The following KIAA1549L variants were observed in gnomAD, a reference collection of about 807,000 sequenced individuals.
KIAA1549L encodes UPF0606 protein KIAA1549L.
Under a neutral mutation model 160.7 loss-of-function variants are expected in KIAA1549L, and 88 were observed. That is an observed-to-expected ratio of 0.55 (90% confidence interval 0.46 to 0.65). KIAA1549L has a LOEUF of 0.65. KIAA1549L is among the 30% of genes least tolerant of loss of function. KIAA1549L has a pLI of 0.00. For missense variants in KIAA1549L, 2,258 were observed against 2,437.5 expected (o/e 0.93, Z 1.55); for synonymous variants, 950 against 976.7 (o/e 0.97, Z 0.51).
At chr11:33,518,884 A>G (rs1341083278) in intron 1 of KIAA1549L, among the ~76,000 whole-genome samples, 1 of 152,212 alleles carries the variant, frequency 6.6e-6, no homozygotes, top group Non-Finnish European at 1.5e-5. Context: ...TTTACATTAC[A>G]CTTATCGAGT....
intron 1 of KIAA1549L, among the ~76,000 whole-genome samples, chr11:33,528,969 A>C (rs919488653): frequency 2.0e-5 from 3 of 152,234 alleles, no homozygotes; most frequent in African/African-American, 7.2e-5. Flanking sequence ...AATTATTGAA[A>C]TGTTTTTTAA....
At chr11:33,496,931 C>T (rs1389061574) in intron 1 of KIAA1549L, among the ~76,000 whole-genome samples, 1 of 152,162 alleles carries the variant, frequency 6.6e-6, no homozygotes, top group East Asian at 1.9e-4. Context: ...GTTTCTTAAA[C>T]ACACCAGCCT....
intron 1 of KIAA1549L, among the ~76,000 whole-genome samples, chr11:33,489,086 A>T (rs1020426952): frequency 6.6e-6 from 1 of 152,240 alleles, no homozygotes; most frequent in Admixed American, 6.5e-5. Context: ...ACTGGAACAG[A>T]TATACCCTGA....
chr11:33,663,746 T>G (rs181319416), intron 20 of KIAA1549L, among the ~76,000 whole-genome samples: 152 of 152,322 alleles, frequency 1.0e-3, no homozygotes, highest in African/African-American at 3.6e-3. Flanking sequence ...AGAGACTCCC[T>G]GCTCTTGCTC....
rs116545443 is a variant in KIAA1549L, at chr11:33,652,909, A to G, written c.5761-3103A>G. Among the ~76,000 whole-genome samples the G allele has an allele frequency of 2.9e-3, 447 of 152,340 alleles. 4 individuals are homozygous for G. Among genetic ancestry groups the G allele is most frequent in the African/African-American group, 0.01 (416 of 41,582 alleles). On this transcript the variant is annotated intron_variant, in intron 17 of 20. Transcript: ENST00000658780. Reference sequence around the variant, plus strand: ...AGAGAAGCCCTGCTTTCGTCTGTCTATGTATTAGGGTCTGCTGGAATGGTG... The same window carrying G: ...AGAGAAGCCCTGCTTTCGTCTGTCTGTGTATTAGGGTCTGCTGGAATGGTG...
intron 1 of KIAA1549L, among the ~76,000 whole-genome samples, chr11:33,426,502 C>T (rs986382057): frequency 3.9e-5 from 6 of 152,140 alleles, no homozygotes; most frequent in African/African-American, 1.4e-4. Flanking sequence ...AGAGGCCCTC[C>T]TGGTGCACAG....
In KIAA1549L at chr11:33,576,679, G is replaced by A. The variant is rs183084714; in HGVS notation, c.4402+1806G>A. Among the ~76,000 whole-genome samples, 81 of 152,284 alleles carry A rather than the reference G, an allele frequency of 5.3e-4. 1 individual carries two copies. Among genetic ancestry groups the A allele is most frequent in the African/African-American group, 1.8e-3 (73 of 41,562 alleles). Reference sequence around the variant, plus strand: ...TATTTCAGGGCACAGAGTCAACGGCGCAAGATAATGATTCTGTGTGTAGCC... The same window carrying A: ...TATTTCAGGGCACAGAGTCAACGGCACAAGATAATGATTCTGTGTGTAGCC... On this transcript the variant is annotated intron_variant, in intron 10 of 20. Transcript: ENST00000658780.
At chr11:33,598,045 G>T (rs1850249513) in intron 12 of KIAA1549L, among the ~76,000 whole-genome samples, 1 of 152,118 alleles carries the variant, frequency 6.6e-6, no homozygotes, top group African/African-American at 2.4e-5. Context: ...GGGGGGCATG[G>T]GGTGCTATCT....
intron 1 of KIAA1549L, among the ~76,000 whole-genome samples, chr11:33,377,719 C>T (rs1329993218): frequency 6.6e-6 from 1 of 152,200 alleles, no homozygotes; most frequent in Non-Finnish European, 1.5e-5. Context: ...ATATATTTCT[C>T]ACTTCAGATA....
intron 1 of KIAA1549L, chr11:33,450,498 T>G (rs925490849): frequency 1.3e-5 from 2 of 152,130 alleles, no homozygotes; most frequent in Non-Finnish European, 2.9e-5. Context: ...AATCTGGGGC[T>G]GCAGTAAGCT....
intron 16 of KIAA1549L, among the ~76,000 whole-genome samples, chr11:33,622,411 G>A (rs1850982690): frequency 6.6e-6 from 1 of 152,204 alleles, no homozygotes; most frequent in Admixed American, 6.5e-5. Context: ...CAGGAAGATG[G>A]AGAAGCGGCC....
At chr11:33,423,669 G>C (rs948651302) in intron 1 of KIAA1549L, among the ~76,000 whole-genome samples, 2 of 152,204 alleles carry the variant, frequency 1.3e-5, no homozygotes, top group African/African-American at 4.8e-5. Context: ...CTGCAGATAA[G>C]AGCAGAGCTT....
chr11:33,520,891 A>C lies in KIAA1549L; in HGVS notation c.239-20911A>C, dbSNP rs111931013. 2.0e-5 allele frequency among the ~76,000 whole-genome samples: 3 copies of C among 152,272 alleles called. 1 individual carries two copies. Among genetic ancestry groups the C allele is most frequent in the African/African-American group, 7.2e-5 (3 of 41,566 alleles). On this transcript the variant is annotated intron_variant, in intron 1 of 20. Transcript: ENST00000658780. ...AAAAAGTAACATCTCAGCCTGGTGCAGTGGCTCATGTCTGTAATCTCAGCA... is the reference window on the plus strand; with the variant it reads ...AAAAAGTAACATCTCAGCCTGGTGCCGTGGCTCATGTCTGTAATCTCAGCA...
At chr11:33,429,600 T>C (rs1170953247) in intron 1 of KIAA1549L, among the ~76,000 whole-genome samples, 1 of 152,162 alleles carries the variant, frequency 6.6e-6, no homozygotes, top group African/African-American at 2.4e-5. Context: ...GATTTCATGG[T>C]TCTTCTCAGT....
At chr11:33,389,052 C>A (rs1850225769) in intron 1 of KIAA1549L, among the ~76,000 whole-genome samples, 1 of 152,194 alleles carries the variant, frequency 6.6e-6, no homozygotes, top group Admixed American at 6.5e-5. Context: ...TATGTTAAAT[C>A]TATTCTTAGC....
At chr11:33,615,423 T>C (rs556098821) in intron 15 of KIAA1549L, among the ~76,000 whole-genome samples, 2 of 152,334 alleles carry the variant, frequency 1.3e-5, no homozygotes, top group Non-Finnish European at 2.9e-5. Flanking sequence ...TTTGTATGCT[T>C]CAAAATGTAT....
intron 10 of KIAA1549L, among the ~76,000 whole-genome samples, chr11:33,580,522 C>T (rs1032405903): frequency 5.0e-5 from 7 of 140,628 alleles, no homozygotes; most frequent in African/African-American, 1.6e-4. Context: ...TGCAGTGAGC[C>T]GAGATCGTGC....
intron 15 of KIAA1549L, among the ~76,000 whole-genome samples, chr11:33,611,585 G>C (rs1315985627): frequency 6.6e-6 from 1 of 152,110 alleles, no homozygotes; most frequent in African/African-American, 2.4e-5. Flanking sequence ...GTTAATACCT[G>C]TAGAAAAAAA....
chr11:33,514,538 T>C (rs1485546356), intron 1 of KIAA1549L, among the ~76,000 whole-genome samples: 2 of 152,266 alleles, frequency 1.3e-5, no homozygotes, highest in Non-Finnish European at 2.9e-5. Context: ...CCCGGCTTCA[T>C]ATCATTTTGC....
Sources: allele counts gnomAD v4.1 joint callset (sites outside exome capture counted in the v4.1 genomes callset), GRCh38; gene constraint gnomAD v4.1.1; transcripts MANE v1.5; gene names NCBI Gene and HGNC (gene_info 2026-07-23, HGNC 2026-07-21).